COG6: variants seen among roughly 807,000 people sequenced by gnomAD.
COG6 encodes component of oligomeric golgi complex 6, also known as conserved oligomeric Golgi complex subunit 6.
A neutral mutation model predicts 88.8 loss-of-function variants in COG6; 74 were observed. The ratio of observed to expected loss-of-function variants is 0.83; its 90% confidence interval spans 0.69 to 1.01. COG6 has a LOEUF of 1.01. Ranked by LOEUF, COG6 falls within the 50% of genes least tolerant of loss-of-function variation. COG6 has a pLI of 0.00. For synonymous variants in COG6, 286 were observed against 278.7 expected (o/e 1.03, Z -0.26); for missense variants, 800 against 797.9 (o/e 1.00, Z -0.03).
intron 18 of COG6, among the ~76,000 whole-genome samples, chr13:39,779,761 A>G (rs562291507): frequency 2.6e-5 from 4 of 152,190 alleles, no homozygotes; most frequent in Admixed American, 1.3e-4. Flanking sequence ...TGTCTCTGAC[A>G]TCACAGGAAG....
intron 13 of COG6, among the ~76,000 whole-genome samples, chr13:39,716,349 CTTT>C (rs1428488176): frequency 1.3e-5 from 2 of 151,886 alleles, no homozygotes; most frequent in Non-Finnish European, 2.9e-5. Context: ...CAACGTATAT[CTTT>C]TTATATCCTT....
chr13:39,678,874 T>A (rs1395053646), intron 5 of COG6, among the ~76,000 whole-genome samples: 1 of 152,110 alleles, frequency 6.6e-6, no homozygotes, highest in Non-Finnish European at 1.5e-5. Flanking sequence ...ATGAAATATT[T>A]GACATATCAT....
chr13:39,659,575 T>C, intron 2 of COG6, 68 bp downstream of exon 2: 1 of 1,359,362 alleles, frequency 7.4e-7, no homozygotes, highest in Non-Finnish European at 1.0e-6. Context: ...GTGCTAAGTA[T>C]TTTTTTGAAT....
chr13:39,719,846 T>G lies in COG6; in HGVS notation c.1584+19T>G. ...GTTTCAGGTAAATTTTTCTATAAAA[T>G]GACTATTGACTATGATTGAATCTTT... On this transcript the variant is annotated intron_variant, in intron 15 of 18. Transcript: ENST00000455146. The G allele has an allele frequency of 6.3e-7, 1 of 1,576,818 alleles. No individual in the cohort carries two copies. The highest frequency in any genetic ancestry group is 8.7e-7 in the Non-Finnish European group (1 of 1,148,596).
At chr13:39,689,239 G>A (rs1438275464) in intron 10 of COG6, among the ~76,000 whole-genome samples, 1 of 152,188 alleles carries the variant, frequency 6.6e-6, no homozygotes, top group Non-Finnish European at 1.5e-5. Context: ...CTGTGAAAAT[G>A]AAGGTGATTA....
chr13:39,773,732 A>G (rs756782481), intron 18 of COG6, among the ~76,000 whole-genome samples: 11 of 152,218 alleles, frequency 7.2e-5, no homozygotes, highest in Non-Finnish European at 1.5e-4. Flanking sequence ...TATCCACCTC[A>G]CAATCAGCTA....
intron 13 of COG6, among the ~76,000 whole-genome samples, chr13:39,710,545 A>G (rs1878180166): frequency 6.6e-6 from 1 of 152,166 alleles, no homozygotes; most frequent in African/African-American, 2.4e-5. Context: ...GGCCTACTAT[A>G]GAGTAGTAGC....
At chr13:39,728,500 A>G (rs1879259239) in intron 18 of COG6, among the ~76,000 whole-genome samples, 1 of 151,754 alleles carries the variant, frequency 6.6e-6, no homozygotes, top group South Asian at 2.1e-4. Context: ...ACACAGAGTT[A>G]GGAAAGTTCC....
intron 18 of COG6, among the ~76,000 whole-genome samples, chr13:39,735,108 A>G (rs1424529470): frequency 6.6e-6 from 1 of 151,838 alleles, no homozygotes; most frequent in Admixed American, 6.5e-5. Context: ...ACATTGTGTT[A>G]TTACTGATAA....
At chr13:39,705,973 T>A (rs1474896314) in intron 13 of COG6, among the ~76,000 whole-genome samples, 2 of 151,676 alleles carry the variant, frequency 1.3e-5, no homozygotes, top group African/African-American at 4.8e-5. Flanking sequence ...GAAAACCAAA[T>A]TTTTTTTATC....
intron 18 of COG6, among the ~76,000 whole-genome samples, chr13:39,760,365 C>T (rs1566042545): frequency 6.6e-6 from 1 of 151,956 alleles, no homozygotes. Context: ...AGTTGCCATA[C>T]GTATTTAATT....
chr13:39,675,558 CTT>C (rs1875917879), intron 4 of COG6, among the ~76,000 whole-genome samples: 1 of 152,090 alleles, frequency 6.6e-6, no homozygotes, highest in Admixed American at 6.6e-5. Context: ...TGCACCATCT[CTT>C]TTGTAGCTAT....
chr13:39,735,348 A>G (rs1352166652), intron 18 of COG6, among the ~76,000 whole-genome samples: 1 of 152,164 alleles, frequency 6.6e-6, no homozygotes, highest in African/African-American at 2.4e-5. Flanking sequence ...ACAACTTAAC[A>G]TTGATTGTGT....
chr13:39,739,947 C>A (rs1023570375), intron 18 of COG6, among the ~76,000 whole-genome samples: 9 of 152,068 alleles, frequency 5.9e-5, no homozygotes, highest in Admixed American at 3.9e-4. Context: ...AAAATTAGTA[C>A]CTCTTCTGTA....
chr13:39,751,966 A>C lies in COG6; in HGVS notation c.*873A>C, dbSNP rs1475371874. 1 of 1,221,330 alleles carries C rather than the reference A, an allele frequency of 8.2e-7. No individual in the cohort carries two copies. The highest frequency in any genetic ancestry group is 2.3e-5 in the Admixed American group (1 of 43,420). The allele number at this position is 1,221,330 out of a possible 1,614,324, so 75.7% of individuals were successfully genotyped here. A position where few individuals can be genotyped will look rare whatever the true frequency, so the allele number is the denominator to read the frequency against. On this transcript the variant is annotated 3_prime_UTR_variant, in exon 19 of 19. Transcript: ENST00000455146. ...ATCTGGTGTTCAAACCAAAGAAACA[A>C]TGATCTACTCAAACATTGGAGAAAA...
chr13:39,668,626 A>G (rs1207083719), intron 4 of COG6, among the ~76,000 whole-genome samples: 1 of 151,880 alleles, frequency 6.6e-6, no homozygotes, highest in Non-Finnish European at 1.5e-5. Flanking sequence ...ATCTCTATTA[A>G]AAATACAAAA....
Position 39,680,103 on chromosome 13 carries a change from A to T in COG6, c.694+58A>T. 3.0e-6 allele frequency: 3 copies of T among 984,304 alleles called. No individual in the cohort carries two copies. In the South Asian group the frequency reaches 4.3e-5, roughly 14 times the overall value. The allele number at this position is 984,304 out of a possible 1,614,324, so 61.0% of individuals were successfully genotyped here. On this transcript the variant is annotated intron_variant, in intron 7 of 18. Coordinates refer to ENST00000455146, the MANE Select transcript of COG6 (RefSeq NM_020751.3). The stretch of plus-strand genomic sequence containing the variant: ...TGAACATTTGTAGTTGTTTTTTAAA[A>T]TTTTACTTGGTCTTTATTTGATATA...
chr13:39,771,099 T>TGAGCACTGCC (rs1342299150), intron 18 of COG6, among the ~76,000 whole-genome samples: 1 of 152,160 alleles, frequency 6.6e-6, no homozygotes, highest in African/African-American at 2.4e-5. Context: ...GTGGCACTGC[T>TGAGCACTGCC]GAGCACTGCC....
chr13:39,752,738 A>T (rs1253888336), downstream of COG6: 1 of 995,514 alleles, frequency 1.0e-6, no homozygotes, highest in Non-Finnish European at 1.2e-6. Flanking sequence ...AACTGAGGTA[A>T]TCAGTGAAAG....
Sources: allele counts gnomAD v4.1 joint callset (sites outside exome capture counted in the v4.1 genomes callset), GRCh38; gene constraint gnomAD v4.1.1; transcripts MANE v1.5; gene names NCBI Gene and HGNC (gene_info 2026-07-23, HGNC 2026-07-21).